CATSPERD: variants seen among roughly 807,000 people sequenced by gnomAD.
CATSPERD encodes catsper channel auxiliary subunit delta.
Under a neutral mutation model 98.1 loss-of-function variants are expected in CATSPERD, and 86 were observed. The observed-to-expected ratio is 0.88, with a 90% confidence interval of 0.74 to 1.05. The LOEUF (loss-of-function observed/expected upper bound fraction) is 1.05. Among genes scored for constraint, CATSPERD ranks in the 50% least tolerant of loss-of-function variants. CATSPERD has a pLI of 0.00. For missense variants in CATSPERD, 995 were observed against 1,005.7 expected, an observed-to-expected ratio of 0.99 and a Z score of 0.14; for synonymous variants, 394 against 390.2, an observed-to-expected ratio of 1.01 and a Z score of -0.12.
intron 6 of CATSPERD, among the ~76,000 whole-genome samples, chr19:5,738,431 CTG>C (rs1392375482): frequency 6.6e-6 from 1 of 151,680 alleles, no homozygotes; most frequent in East Asian, 1.9e-4. Flanking sequence ...ACTCAGGTCG[CTG>C]GGGTGGGAGG....
intron 7 of CATSPERD, among the ~76,000 whole-genome samples, chr19:5,739,960 T>G (rs993217154): frequency 3.9e-5 from 6 of 151,916 alleles, no homozygotes; most frequent in African/African-American, 1.5e-4. Flanking sequence ...CATGGCACCA[T>G]TTATGCCATT....
intron 7 of CATSPERD, among the ~76,000 whole-genome samples, chr19:5,741,929 A>C (rs953017788): frequency 6.6e-5 from 10 of 151,190 alleles, no homozygotes; most frequent in Non-Finnish European, 1.2e-4. Context: ...GCTACTTGGG[A>C]GGCTGAGGCA....
At chr19:5,768,571 C>T (rs1046984182) in intron 18 of CATSPERD, among the ~76,000 whole-genome samples, 3 of 151,730 alleles carry the variant, frequency 2.0e-5, no homozygotes, top group South Asian at 2.1e-4. Context: ...CTCCTGATCT[C>T]GTGATCCGCC....
intron 4 of CATSPERD, among the ~76,000 whole-genome samples, chr19:5,730,688 G>C (rs1224559369): frequency 6.6e-6 from 1 of 152,026 alleles, no homozygotes; most frequent in African/African-American, 2.4e-5. Flanking sequence ...GCCAAGACAG[G>C]AGGCTCACTT....
intron 1 of CATSPERD, among the ~76,000 whole-genome samples, chr19:5,721,518 C>G (rs2055476733): frequency 6.6e-6 from 1 of 152,216 alleles, no homozygotes; most frequent in Non-Finnish European, 1.5e-5. Flanking sequence ...GGACCAGTTG[C>G]TGAAACTCCG....
chr19:5,724,987 C>A, intron 2 of CATSPERD, 125 bp downstream of exon 2: 2 of 841,840 alleles, frequency 2.4e-6, no homozygotes, highest in South Asian at 1.4e-5. Context: ...TTTATTCAGT[C>A]TTTACAGTTC....
intron 7 of CATSPERD, among the ~76,000 whole-genome samples, chr19:5,743,154 T>A (rs2056021307): frequency 6.6e-6 from 1 of 151,154 alleles, no homozygotes; most frequent in African/African-American, 2.4e-5. Flanking sequence ...ATACAGAAAA[T>A]TAGCCAGGTG....
At chr19:5,727,970 C>T (rs909004878) in intron 3 of CATSPERD, among the ~76,000 whole-genome samples, 2 of 147,408 alleles carry the variant, frequency 1.4e-5, no homozygotes, top group African/African-American at 2.5e-5. Context: ...GCAGGAGGAT[C>T]GCTGGAGGAT....
rs1476764991 is a variant in CATSPERD at position 5,731,731 on chromosome 19, G to A, written c.276+1787G>A. 1.7e-3 allele frequency among the ~76,000 whole-genome samples: 259 copies of A among 148,960 alleles called. 1 individual carries two copies. The highest frequency in any genetic ancestry group is 5.8e-3 in the African/African-American group (233 of 40,464). On this transcript the variant is annotated intron_variant, in intron 4 of 21. Coordinates refer to ENST00000381624, the MANE Select transcript of CATSPERD (RefSeq NM_152784.4). ...GCTGGGACTACAGGCGCCCGCCACC[G>A]CGCCCGGCTAATTTTTTGTATTTTT... is the stretch of plus-strand genomic sequence containing the variant.
intron 3 of CATSPERD, among the ~76,000 whole-genome samples, chr19:5,727,833 A>G (rs577350907): frequency 2.0e-5 from 3 of 152,080 alleles, no homozygotes; most frequent in Admixed American, 6.6e-5. Context: ...CCCTGAGGGT[A>G]GTGGAGGATG....
chr19:5,752,193 C>T (rs2056234358), intron 12 of CATSPERD, among the ~76,000 whole-genome samples: 1 of 151,952 alleles, frequency 6.6e-6, no homozygotes, highest in African/African-American at 2.4e-5. Flanking sequence ...CCTGTAATCC[C>T]ACCTACTTCG....
chr19:5,774,610 A>T (rs1010226125), intron 20 of CATSPERD, among the ~76,000 whole-genome samples: 2 of 152,022 alleles, frequency 1.3e-5, no homozygotes, highest in African/African-American at 4.8e-5. Flanking sequence ...AATCGCTTGA[A>T]CCTAGGAGGT....
chr19:5,757,296 T>C (rs993169998), intron 13 of CATSPERD, among the ~76,000 whole-genome samples: 1 of 77,962 alleles, frequency 1.3e-5, no homozygotes, highest in African/African-American at 4.8e-5. Context: ...ATTTTCAACT[T>C]CTTTTTTTTT....
At chr19:5,776,073 T>C in intron 20 of CATSPERD, 88 bp from the exon 21 acceptor site, 4 of 1,420,456 alleles carry the variant, frequency 2.8e-6, no homozygotes, top group Non-Finnish European at 3.9e-6. Flanking sequence ...AGGACTGGGG[T>C]GGGTGCAGGG....
chr19:5,723,045 G>A (rs866448243), intron 1 of CATSPERD, among the ~76,000 whole-genome samples: 2 of 151,522 alleles, frequency 1.3e-5, no homozygotes, highest in Non-Finnish European at 2.9e-5. Flanking sequence ...AAAATTAGTC[G>A]GTGTGGTGGC....
chr19:5,751,889 A>G (rs2056228398), intron 12 of CATSPERD, 66 bp downstream of exon 12: 2 of 1,462,948 alleles, frequency 1.4e-6, no homozygotes, highest in African/African-American at 2.8e-5. Context: ...CAACCTGGGC[A>G]TGGTGGTGCA....
chr19:5,770,673 C>T (rs947207269), intron 18 of CATSPERD, among the ~76,000 whole-genome samples: 3 of 151,686 alleles, frequency 2.0e-5, no homozygotes, highest in Non-Finnish European at 2.9e-5. Flanking sequence ...CCCAGCCACT[C>T]GGGAGGCTGA....
chr19:5,752,048 CTTTGGAGA>C (rs2056232174), intron 12 of CATSPERD, among the ~76,000 whole-genome samples: 1 of 151,882 alleles, frequency 6.6e-6, no homozygotes, highest in Admixed American at 6.6e-5. Flanking sequence ...CGGTGGGAGA[CTTTGGAGA>C]CTGAGTCTTT....
chr19:5,755,955 T>G (rs951145916), intron 13 of CATSPERD, among the ~76,000 whole-genome samples: 5 of 152,040 alleles, frequency 3.3e-5, no homozygotes, highest in African/African-American at 1.2e-4. Context: ...CACTCCAGCC[T>G]GGGTAACAGA....
Sources: gnomAD v4.1 joint callset for allele counts (sites outside exome capture counted in the v4.1 genomes callset) on GRCh38, gnomAD v4.1.1 for gene constraint, MANE v1.5 for transcripts, NCBI Gene and HGNC (gene_info 2026-07-23, HGNC 2026-07-21) for gene names.